Variants in NGEF observed in about 807,000 individuals in gnomAD.
NGEF encodes neuronal guanine nucleotide exchange factor.
NGEF carries 31 observed loss-of-function variants against 80.9 expected under a neutral mutation model. That is an observed-to-expected ratio of 0.38 (90% CI 0.29 to 0.52). NGEF has a LOEUF of 0.52. Among genes scored for constraint, NGEF ranks in the 20% least tolerant of loss-of-function variants. The pLI is 0.84. For missense variants in NGEF, 709 were observed against 926.2 expected (o/e 0.77, Z 3.04); for synonymous variants, 371 against 370.2 (o/e 1.00, Z -0.03).
At chr2:232,918,017 G>A (rs769124063) in intron 5 of NGEF, among the ~76,000 whole-genome samples, 8 of 151,866 alleles carry the variant, frequency 5.3e-5, no homozygotes, top group East Asian at 1.9e-4. Flanking sequence ...GCAGTTGCGC[G>A]ATCTTGGCTC....
At chr2:232,986,822 A>G (rs930277831) in intron 1 of NGEF, among the ~76,000 whole-genome samples, 1 of 152,236 alleles carries the variant, frequency 6.6e-6, no homozygotes, top group African/African-American at 2.4e-5. Flanking sequence ...TTTGACTGTG[A>G]TAATCACTAC....
intron 5 of NGEF, among the ~76,000 whole-genome samples, chr2:232,914,249 C>T (rs1307846126): frequency 6.6e-6 from 1 of 152,200 alleles, no homozygotes; most frequent in Non-Finnish European, 1.5e-5. Context: ...GTTTGATGAT[C>T]TCTGCTCTAG....
At chr2:232,952,970 C>CAAAAAAAAA in intron 3 of NGEF, among the ~76,000 whole-genome samples, 1 of 73,068 alleles carries the variant, frequency 1.4e-5, no homozygotes, top group Non-Finnish European at 2.6e-5. Context: ...AGACAGCCCT[C>CAAAAAAAAA]AAAAAAAAAA....
intron 8 of NGEF, among the ~76,000 whole-genome samples, chr2:232,890,616 C>T (rs577859915): frequency 9.9e-5 from 15 of 152,274 alleles, no homozygotes; most frequent in African/African-American, 3.6e-4. Context: ...CTGCACACCC[C>T]CAAACTGCTC....
At chr2:233,012,660 T>C (rs1695237423) in intron 1 of NGEF, 2 of 358,442 alleles carry the variant, frequency 5.6e-6, no homozygotes, top group Non-Finnish European at 1.1e-5. Flanking sequence ...GGCCCTGTTC[T>C]TAGAAGGTGC....
rs186141340 is a variant in NGEF, at chr2:232,912,313, T to C, written c.828+7971A>G. Among the ~76,000 whole-genome samples the C allele has an allele frequency of 5.6e-4, 85 of 152,316 alleles. 1 individual carries two copies. Among genetic ancestry groups the C allele is most frequent in the African/African-American group, 1.9e-3 (78 of 41,572 alleles). On this transcript the variant is annotated intron_variant, in intron 5 of 14. Coordinates refer to ENST00000264051, the MANE Select transcript of NGEF (RefSeq NM_019850.3). ...TAGACTGTTAATATGGTGGGTTACA[T>C]TGACTGATTTTCAAATATTTAACTA... is the stretch of plus-strand genomic sequence containing the variant.
chr2:233,011,248 C>T (rs1695196964), intron 1 of NGEF, among the ~76,000 whole-genome samples: 1 of 151,904 alleles, frequency 6.6e-6, no homozygotes, highest in East Asian at 1.9e-4. Context: ...CTGTGCACAG[C>T]AATTATCTAT....
At chr2:232,893,299 T>C (rs1691942270) in intron 6 of NGEF, among the ~76,000 whole-genome samples, 1 of 152,208 alleles carries the variant, frequency 6.6e-6, no homozygotes, top group Admixed American at 6.5e-5. Context: ...CTTTCAGGTA[T>C]GTGCTGATGT....
intron 3 of NGEF, among the ~76,000 whole-genome samples, chr2:232,932,663 C>A (rs1693240008): frequency 6.6e-6 from 1 of 152,122 alleles, no homozygotes; most frequent in South Asian, 2.1e-4. Context: ...AAATTTATTT[C>A]TCCCAGTCTG....
intron 14 of NGEF, among the ~76,000 whole-genome samples, chr2:232,880,631 G>A (rs1691467219): frequency 6.6e-6 from 1 of 152,266 alleles, no homozygotes; most frequent in African/African-American, 2.4e-5. Context: ...GGGGGTCAGT[G>A]TTCAATTCTA....
At chr2:232,879,903 C>T (rs532822041) in intron 14 of NGEF, among the ~76,000 whole-genome samples, 4 of 152,332 alleles carry the variant, frequency 2.6e-5, no homozygotes, top group East Asian at 1.9e-4. Flanking sequence ...AGGCCTGCTC[C>T]GTGCCACGCA....
At chr2:232,930,869 A>G (rs1169108577) in intron 3 of NGEF, among the ~76,000 whole-genome samples, 1 of 152,128 alleles carries the variant, frequency 6.6e-6, no homozygotes, top group Non-Finnish European at 1.5e-5. Flanking sequence ...CATCTTAACA[A>G]CCCAAAAGTT....
intron 1 of NGEF, among the ~76,000 whole-genome samples, chr2:232,989,964 C>T (rs1350863951): frequency 1.3e-5 from 2 of 152,116 alleles, no homozygotes; most frequent in Non-Finnish European, 2.9e-5. Flanking sequence ...AAAGAAGAGA[C>T]TGTGTACATT....
At chr2:232,947,480 G>C (rs912300456) in intron 3 of NGEF, among the ~76,000 whole-genome samples, 1 of 152,072 alleles carries the variant, frequency 6.6e-6, no homozygotes, top group Non-Finnish European at 1.5e-5. Flanking sequence ...TTATGGGGGC[G>C]ATTTCCCCCA....
intron 5 of NGEF, among the ~76,000 whole-genome samples, chr2:232,909,977 A>G (rs1034196663): frequency 1.6e-4 from 25 of 152,220 alleles, no homozygotes; most frequent in Non-Finnish European, 7.3e-5. Context: ...ACACACCACC[A>G]TATGGATGTA....
intron 1 of NGEF, chr2:233,012,490 C>G: frequency 4.8e-6 from 1 of 208,988 alleles, no homozygotes; most frequent in South Asian, 6.9e-5. Context: ...GGAGCTAAAG[C>G]GCAGTGGGCT....
intron 5 of NGEF, chr2:232,901,328 C>T (rs1416649354): frequency 4.1e-6 from 4 of 977,382 alleles, no homozygotes; most frequent in Admixed American, 6.2e-5. Flanking sequence ...CAGCAAAGCT[C>T]GAGGCTGCGC....
In NGEF at chr2:232,888,179, G is replaced by A. The variant is rs1653969461; in HGVS notation, c.1273-72C>T. On this transcript the variant is annotated intron_variant, in intron 8 of 14. Coordinates refer to ENST00000264051, the MANE Select transcript of NGEF (RefSeq NM_019850.3). ...TCCTCCCATTTCCCACCTTGACCGT[G>A]ACTACCTCCCTACTGCACCAGTCCA... 2.6e-6 allele frequency: 3 copies of A among 1,145,526 alleles called. No individual in the cohort carries two copies. The South Asian group carries it at 4.4e-5, about 17-fold the overall frequency. The allele number at this position is 1,145,526 out of a possible 1,614,324, so 71.0% of individuals were successfully genotyped here. A position where few individuals can be genotyped will look rare whatever the true frequency, so the allele number is the denominator to read the frequency against.
chr2:232,920,253 G>A (rs571321295), intron 5 of NGEF, 31 bp downstream of exon 5: 1 of 1,590,488 alleles, frequency 6.3e-7, no homozygotes, highest in Non-Finnish European at 8.6e-7. Flanking sequence ...GGTGTGCTGT[G>A]GGGGAGCCCC....
Sources: allele counts gnomAD v4.1 joint callset (sites outside exome capture counted in the v4.1 genomes callset), GRCh38; gene constraint gnomAD v4.1.1; transcripts MANE v1.5; gene names NCBI Gene and HGNC (gene_info 2026-07-23, HGNC 2026-07-21).